MAGEB3: variants seen among roughly 807,000 people sequenced by gnomAD.
MAGEB3 encodes the protein melanoma-associated antigen B3.
For missense variants in MAGEB3, 191 were observed against 262.4 expected (o/e 0.73, Z 1.88); for synonymous variants, 91 against 93.0 (o/e 0.98, Z 0.12).
chrX:30,232,944 C>A (rs941398669), intron 3 of MAGEB3, 28 bp downstream of exon 3: 2 of 104,797 alleles, frequency 1.9e-5, no homozygotes, highest in Non-Finnish European at 3.9e-5. Context: ...TCCCAGCTAC[C>A]CAGGAGGCTG....
intron 2 of MAGEB3, among the ~76,000 whole-genome samples, chrX:30,232,472 T>C (rs1180136446): frequency 5.1e-5 from 4 of 79,139 alleles, no homozygotes; most frequent in African/African-American, 1.4e-4. Context: ...AAAAAAAAAA[T>C]GGCGGGGCAG....
In MAGEB3 at chrX:30,236,368, C is replaced by T; in HGVS notation, c.444C>T (p.Cys148=). ...LKIVQKSHKN[C]FPEILKKASF... ...TTGTCCAAAAAAGCCATAAGAATTGCTTCCCTGAGATCCTTAAAAAAGCTT... is the reference window on the plus strand; with the variant it reads ...TTGTCCAAAAAAGCCATAAGAATTGTTTCCCTGAGATCCTTAAAAAAGCTT... The change falls in exon 5 of 5, where the codon TGC becomes TGT. Residue 148 remains cysteine (C), a synonymous_variant. Transcript: ENST00000361644. The T allele has an allele frequency of 8.3e-7, 1 of 1,210,162 alleles. No individual in the cohort carries two copies. The highest frequency in any genetic ancestry group is 1.1e-6 in the Non-Finnish European group (1 of 894,675).
rs140847030 is a variant in MAGEB3, at chrX:30,233,663, A to T, written c.-62+300A>T. On this transcript the variant is annotated intron_variant, in intron 4 of 4. Transcript: ENST00000361644. ...AGGTGTTACTCTGCTCCGCTTAGTA[A>T]CAAGGTGAGAACCCTGAATAAGGAC... 3.1e-3 allele frequency among the ~76,000 whole-genome samples: 342 copies of T among 109,924 alleles called. 3 individuals carry two copies. The highest frequency in any genetic ancestry group is 9.5e-3 in the African/African-American group (288 of 30,196).
chrX:30,232,030 G>A (rs751357659), intron 2 of MAGEB3, among the ~76,000 whole-genome samples: 1 of 112,483 alleles, frequency 8.9e-6, no homozygotes, highest in African/African-American at 3.2e-5. Context: ...CCCGAGCGGG[G>A]TGTGGCTCAG....
chrX:30,234,151 C>T (rs992405918), intron 4 of MAGEB3, among the ~76,000 whole-genome samples: 2 of 111,076 alleles, frequency 1.8e-5, no homozygotes, highest in African/African-American at 6.6e-5. Context: ...TAGTCATAAG[C>T]GGAGGCCCTG....
Position 30,236,819 on chromosome X carries a change from G to C in MAGEB3, c.895G>C (p.Val299Leu), listed in dbSNP as rs1924994549. 1.7e-6 allele frequency: 2 copies of C among 1,210,381 alleles called. No individual in the cohort carries two copies. The highest frequency in any genetic ancestry group is 2.2e-5 in the Admixed American group (1 of 45,816). ...LEFWAKVNKT[V>L]PSAFQFWYEE... is the part of the protein sequence containing the mutation. ...GTTTTGGGCCAAGGTCAATAAAACTGTCCCCAGTGCGTTCCAGTTCTGGTA... is the reference window on the plus strand; with the variant it reads ...GTTTTGGGCCAAGGTCAATAAAACTCTCCCCAGTGCGTTCCAGTTCTGGTA... Residue 299 changes from valine (V) to leucine (L), a missense_variant, in exon 5 of 5, where the codon GTC becomes CTC. Val to Leu is a conservative substitution (Grantham distance 32). Coordinates refer to ENST00000361644, the MANE Select transcript of MAGEB3 (RefSeq NM_002365.5).
intron 4 of MAGEB3, among the ~76,000 whole-genome samples, chrX:30,234,816 A>AG (rs1182055719): frequency 9.0e-6 from 1 of 111,493 alleles, no homozygotes; most frequent in Non-Finnish European, 1.9e-5. Context: ...TTCATAGGTG[A>AG]GGGGTCCCTG....
chrX:30,233,628 C>T (rs1160047579), intron 4 of MAGEB3, among the ~76,000 whole-genome samples: 1 of 107,172 alleles, frequency 9.3e-6, no homozygotes, highest in Non-Finnish European at 1.9e-5. Context: ...TGGCGGACTT[C>T]GCTCAGTAGA....
intron 1 of MAGEB3, 124 bp from the exon 2 acceptor site, chrX:30,231,393 C>T (rs1328802697): frequency 9.2e-6 from 1 of 108,450 alleles, no homozygotes; most frequent in East Asian, 2.8e-4. Flanking sequence ...TCGCTTGAAC[C>T]CGGGAGGCAG....
intron 2 of MAGEB3, among the ~76,000 whole-genome samples, chrX:30,232,625 T>C (rs1924838502): frequency 9.9e-6 from 1 of 100,942 alleles, no homozygotes; most frequent in Non-Finnish European, 2.0e-5. Context: ...TGTCTCAAAT[T>C]AGCCGGGCGT....
chrX:30,236,978 A>G lies in MAGEB3; in HGVS notation c.*13A>G. On this transcript the variant is annotated 3_prime_UTR_variant, in exon 5 of 5. Coordinates refer to ENST00000361644, the MANE Select transcript of MAGEB3 (RefSeq NM_002365.5). ...TTCCCACGCCTAGTGAAGTTGAAGC[A>G]AATTTTGCATTTTGTGGTTAAAGAG... The G allele has an allele frequency of 1.7e-6, 2 of 1,173,026 alleles. No individual in the cohort carries two copies. Among genetic ancestry groups the G allele is most frequent in the Non-Finnish European group, 2.3e-6 (2 of 873,816 alleles).
intron 4 of MAGEB3, among the ~76,000 whole-genome samples, chrX:30,235,561 G>A (rs1292484793): frequency 2.7e-5 from 3 of 111,155 alleles, no homozygotes; most frequent in African/African-American, 9.8e-5. Context: ...TTTTTATGAT[G>A]GTCCTGAGTG....
chrX:30,231,153 A>G (rs765742743), intron 1 of MAGEB3, among the ~76,000 whole-genome samples: 1 of 76,261 alleles, frequency 1.3e-5, no homozygotes, highest in South Asian at 5.0e-4. Context: ...ACCTGTCTCT[A>G]CAAAAAAAAA....
chrX:30,232,447 CT>C, intron 2 of MAGEB3, among the ~76,000 whole-genome samples: 1 of 76,492 alleles, frequency 1.3e-5, no homozygotes, highest in Non-Finnish European at 2.6e-5. Flanking sequence ...TGGCGAAAAC[CT>C]GTCTCTACAA....
Position 30,231,536 on chromosome X carries a change from T to C in MAGEB3, c.-336T>C, listed in dbSNP as rs1203879896. On this transcript the variant is annotated 5_prime_UTR_variant, in exon 2 of 5. Coordinates refer to ENST00000361644, the MANE Select transcript of MAGEB3 (RefSeq NM_002365.5). ...TTTAAGGCAGGGCTCTGGCTCACGC[T>C]TGTAATCCCAACATTTTGGGAGGAC... 1 of 103,180 alleles carries C rather than the reference T, an allele frequency of 9.7e-6. No individual in the cohort carries two copies. Among genetic ancestry groups the C allele is most frequent in the Non-Finnish European group, 2.0e-5 (1 of 50,657 alleles). The allele number at this position is 103,180 out of a possible 1,213,427, so 8.5% of individuals were successfully genotyped here.
At position 30,236,013 on chromosome X, in the gene MAGEB3, T is replaced by A. The variant is rs1569254254; in HGVS notation, c.89T>A (p.Ile30Asn). 8 of 1,210,909 alleles carry A rather than the reference T, an allele frequency of 6.6e-6. No individual in the cohort carries two copies. The highest frequency in any genetic ancestry group is 7.8e-6 in the Non-Finnish European group (7 of 894,907). ...GQTQDHQGAQ[I>N]TATNKKKVSF... Reference sequence around the variant, plus strand: ...ACCCAGGATCACCAGGGTGCTCAGATCACTGCAACTAACAAGAAAAAAGTA... The same window carrying A: ...ACCCAGGATCACCAGGGTGCTCAGAACACTGCAACTAACAAGAAAAAAGTA... The change falls in exon 5 of 5, where the codon ATC becomes AAC. Residue 30 changes from isoleucine to asparagine, a missense_variant. Coordinates refer to ENST00000361644, the MANE Select transcript of MAGEB3 (RefSeq NM_002365.5).
At chrX:30,235,728 C>T (rs1245679502) in intron 4 of MAGEB3, 136 bp from the exon 5 acceptor site, 1 of 405,588 alleles carries the variant, frequency 2.5e-6, no homozygotes, top group Admixed American at 4.8e-5. Context: ...AGAGGACAAA[C>T]TGATCAGAAC....
intron 2 of MAGEB3, among the ~76,000 whole-genome samples, chrX:30,232,489 A>C (rs1034764486): frequency 1.9e-5 from 2 of 104,308 alleles, no homozygotes; most frequent in African/African-American, 3.5e-5. Flanking sequence ...GCAGCAGTGG[A>C]GCACCCCTGT....
Position 30,231,507 on chromosome X carries a change from T to A in MAGEB3, c.-355-10T>A, listed in dbSNP as rs112635280. On this transcript the variant is annotated splice_polypyrimidine_tract_variant and intron_variant, in intron 1 of 4. Coordinates refer to ENST00000361644, the MANE Select transcript of MAGEB3 (RefSeq NM_002365.5). ...TAAATAAATATAAACTTTTTTTTTT[T>A]AATTTTAAGGCAGGGCTCTGGCTCA... 8.6e-5 allele frequency: 9 copies of A among 104,637 alleles called. No homozygotes were observed. The highest frequency in any genetic ancestry group is 2.9e-4 in the East Asian group (1 of 3,405). 8.6% of individuals were successfully genotyped at this position (104,637 alleles called of 1,213,427 possible). A position where few individuals can be genotyped will look rare whatever the true frequency, so the allele number is the denominator to read the frequency against.
Sources: gnomAD v4.1 joint callset for allele counts (sites outside exome capture counted in the v4.1 genomes callset) on GRCh38, gnomAD v4.1.1 for gene constraint, MANE v1.5 for transcripts, NCBI Gene and HGNC (gene_info 2026-07-23, HGNC 2026-07-21) for gene names.